The following SND1 variants were observed in gnomAD, a reference collection of about 807,000 sequenced individuals.
SND1 encodes staphylococcal nuclease domain-containing protein 1.
In SND1, 38 loss-of-function variants were observed where a neutral mutation model predicts 121.7. That is an observed-to-expected ratio of 0.31 (90% CI 0.24 to 0.41). The LOEUF is 0.41. Among genes scored for constraint, SND1 ranks in the 10% least tolerant of loss-of-function variants. SND1 has a pLI of 1.00. For missense variants in SND1, 868 were observed against 1,184.6 expected, an observed-to-expected ratio of 0.73 and a Z score of 3.92; for synonymous variants, 401 against 447.4, an observed-to-expected ratio of 0.90 and a Z score of 1.31.
intron 10 of SND1, among the ~76,000 whole-genome samples, chr7:127,794,038 G>A (rs993095764): frequency 2.6e-5 from 4 of 152,098 alleles, no homozygotes; most frequent in African/African-American, 4.8e-5. Flanking sequence ...TTATTTGCCC[G>A]TATTTCTCCA....
At chr7:127,984,707 T>G (rs1802345344) in intron 15 of SND1, among the ~76,000 whole-genome samples, 1 of 152,174 alleles carries the variant, frequency 6.6e-6, no homozygotes, top group African/African-American at 2.4e-5. Context: ...AGTTTTAGTT[T>G]TAGTTTGGTT....
intron 16 of SND1, among the ~76,000 whole-genome samples, chr7:128,054,144 C>T (rs907297509): frequency 1.3e-5 from 2 of 152,172 alleles, no homozygotes; most frequent in African/African-American, 4.8e-5. Context: ...GATGGAGTGG[C>T]GGTGGCATGT....
intron 14 of SND1, among the ~76,000 whole-genome samples, chr7:127,914,825 C>A (rs942944843): frequency 6.6e-6 from 1 of 152,154 alleles, no homozygotes; most frequent in Non-Finnish European, 1.5e-5. Flanking sequence ...AGTTGTGCCT[C>A]CATTGCTTAT....
intron 10 of SND1, among the ~76,000 whole-genome samples, chr7:127,738,774 G>C (rs1796825291): frequency 6.6e-6 from 1 of 152,092 alleles, no homozygotes; most frequent in Admixed American, 6.5e-5. Flanking sequence ...GGGGAGGATG[G>C]GGGAGGTAAG....
At chr7:127,978,438 C>T (rs769880105) in intron 15 of SND1, among the ~76,000 whole-genome samples, 1 of 152,142 alleles carries the variant, frequency 6.6e-6, no homozygotes, top group Non-Finnish European at 1.5e-5. Flanking sequence ...AACAGAGTGG[C>T]AACTCTGGCA....
At chr7:127,970,818 T>C (rs1430733196) in intron 15 of SND1, among the ~76,000 whole-genome samples, 1 of 152,066 alleles carries the variant, frequency 6.6e-6, no homozygotes, top group African/African-American at 2.4e-5. Flanking sequence ...TTAATAAAAA[T>C]CCTGATTAGG....
intron 1 of SND1, among the ~76,000 whole-genome samples, chr7:127,682,644 A>G (rs1166672273): frequency 6.6e-6 from 1 of 152,238 alleles, no homozygotes; most frequent in African/African-American, 2.4e-5. Context: ...CTAATTACCT[A>G]TGACAGTTTC....
chr7:127,903,125 A>C (rs1800268985), intron 13 of SND1, among the ~76,000 whole-genome samples: 2 of 151,498 alleles, frequency 1.3e-5, no homozygotes, highest in Non-Finnish European at 2.9e-5. Flanking sequence ...CTTGTGATCT[A>C]CCTTCCTCGG....
rs774924722 is a variant in SND1 at position 127,929,260 on chromosome 7, G to A, written c.1600G>A (p.Val534Ile). ...TCGTTCTGAAGCTGTGGTGGAATAC[G>A]TCTTCAGTGGTTCTCGTCTCAAACT... ...AGRSEAVVEYVFSGSRLKLYL... is the reference protein window; with the variant it reads ...AGRSEAVVEYIFSGSRLKLYL... Residue 534 changes from valine (V) to isoleucine (I), a missense_variant, in exon 15 of 24, where the codon GTC becomes ATC. By Grantham distance (29) the Val-to-Ile change is conservative (BLOSUM62 3). Coordinates refer to ENST00000354725, the MANE Select transcript of SND1 (RefSeq NM_014390.4). The A allele has an allele frequency of 9.9e-6, 16 of 1,613,712 alleles. No individual in the cohort carries two copies. In the Admixed American group the frequency reaches 2.2e-4, roughly 22 times the overall value.
chr7:127,785,293 AAGGGCT>A (rs1189584252), intron 10 of SND1, among the ~76,000 whole-genome samples: 1 of 152,218 alleles, frequency 6.6e-6, no homozygotes, highest in Non-Finnish European at 1.5e-5. Flanking sequence ...ATAGAGAAAC[AAGGGCT>A]AGTCATGAAG....
intron 15 of SND1, among the ~76,000 whole-genome samples, chr7:127,954,110 A>G (rs1005475140): frequency 6.6e-6 from 1 of 152,202 alleles, no homozygotes. Flanking sequence ...TAGGGTGGCT[A>G]TGTGAGCACC....
At chr7:127,922,302 G>T (rs1563059102) in intron 14 of SND1, among the ~76,000 whole-genome samples, 1 of 147,098 alleles carries the variant, frequency 6.8e-6, no homozygotes, top group East Asian at 2.1e-4. Context: ...CAGGCATGAG[G>T]CCACCGTGCC....
At chr7:128,086,756 A>G in intron 20 of SND1, 182 bp from the exon 21 acceptor site, 1 of 639,458 alleles carries the variant, frequency 1.6e-6, no homozygotes, top group Non-Finnish European at 2.8e-6. Flanking sequence ...CCAGCAGGGC[A>G]CGTTCTCTCC....
chr7:128,000,431 A>G (rs992466889), intron 16 of SND1, among the ~76,000 whole-genome samples: 4 of 149,420 alleles, frequency 2.7e-5, no homozygotes, highest in Non-Finnish European at 5.9e-5. Context: ...GCAGTGGCAC[A>G]GTCATGGCTC....
intron 12 of SND1, among the ~76,000 whole-genome samples, chr7:127,862,346 A>G (rs1799394500): frequency 6.6e-6 from 1 of 152,198 alleles, no homozygotes; most frequent in Non-Finnish European, 1.5e-5. Flanking sequence ...ATATGTCTCT[A>G]AGAGGTTTTT....
chr7:127,703,014 A>G, intron 6 of SND1, 151 bp from the exon 7 acceptor site: 2 of 763,728 alleles, frequency 2.6e-6, no homozygotes, highest in South Asian at 1.7e-5. Context: ...GTCCCTTTTT[A>G]CCAGTGTGTT....
intron 12 of SND1, among the ~76,000 whole-genome samples, chr7:127,870,757 C>T (rs192601969): frequency 1.6e-4 from 25 of 152,168 alleles, no homozygotes; most frequent in African/African-American, 4.6e-4. Context: ...TGTTACTGTA[C>T]GCTACTGTAG....
intron 16 of SND1, among the ~76,000 whole-genome samples, chr7:128,033,661 T>G (rs1792693810): frequency 6.6e-6 from 1 of 152,252 alleles, no homozygotes; most frequent in African/African-American, 2.4e-5. Flanking sequence ...GACCTTTCTG[T>G]TATCATTTGC....
chr7:127,964,965 C>G (rs1221922836), intron 15 of SND1, among the ~76,000 whole-genome samples: 2 of 103,340 alleles, frequency 1.9e-5, no homozygotes, highest in East Asian at 4.8e-4. Flanking sequence ...TGAAGAGGTC[C>G]TTCACATCCC....
Sources: allele counts gnomAD v4.1 joint callset (sites outside exome capture counted in the v4.1 genomes callset), GRCh38; gene constraint gnomAD v4.1.1; transcripts MANE v1.5; gene names NCBI Gene and HGNC (gene_info 2026-07-23, HGNC 2026-07-21).